Variants in AK8 observed in about 807,000 individuals in gnomAD.
AK8 encodes the protein adenylate kinase 8.
AK8 carries 44 observed loss-of-function variants against 54.6 expected under a neutral mutation model. The observed-to-expected ratio is 0.81, with a 90% confidence interval of 0.63 to 1.04. AK8 has a LOEUF of 1.04. Ranked by LOEUF, AK8 falls within the 50% of genes least tolerant of loss-of-function variation. The pLI is 0.00. For missense variants in AK8, 555 were observed against 613.6 expected (o/e 0.90, Z 1.01); for synonymous variants, 239 against 245.6 (o/e 0.97, Z 0.25).
In AK8 at chr9:132,845,717, G is replaced by A. The variant is rs1032650443; in HGVS notation, c.402+9140C>T. ...AATCGCCTGAACCTAGGAGGCGGAG[G>A]TTGCAGTGAGCAGAGATCGCGCCAC... On this transcript the variant is annotated intron_variant, in intron 5 of 12. Transcript: ENST00000298545. Among the ~76,000 whole-genome samples, 10 of 149,630 alleles carry A rather than the reference G, an allele frequency of 6.7e-5. No homozygotes were observed. In the Admixed American group the frequency reaches 6.8e-4, roughly 10 times the overall value.
At chr9:132,857,692 GA>G (rs1276548273) in intron 4 of AK8, among the ~76,000 whole-genome samples, 1 of 152,222 alleles carries the variant, frequency 6.6e-6, no homozygotes, top group Non-Finnish European at 1.5e-5. Flanking sequence ...AGGATGCAGA[GA>G]AGGGTGCCAA....
chr9:132,861,750 A>G (rs1843396996), intron 4 of AK8, among the ~76,000 whole-genome samples: 2 of 152,244 alleles, frequency 1.3e-5, no homozygotes, highest in Admixed American at 1.3e-4. Context: ...CAGACAATTT[A>G]AAGAGGACAT....
intron 11 of AK8, among the ~76,000 whole-genome samples, chr9:132,787,985 A>T (rs767120451): frequency 2.0e-5 from 3 of 152,088 alleles, no homozygotes; most frequent in Non-Finnish European, 2.9e-5. Context: ...CTATGCAGTA[A>T]GCCTAGAAAA....
chr9:132,804,694 C>G (rs367716079), intron 10 of AK8, among the ~76,000 whole-genome samples: 1 of 152,194 alleles, frequency 6.6e-6, no homozygotes, highest in Non-Finnish European at 1.5e-5. Context: ...AGAGCAGCAG[C>G]GACAGGTGTG....
At chr9:132,878,501 C>T (rs1382420714), upstream of AK8, 2 of 1,202,434 alleles carry the variant, frequency 1.7e-6, no homozygotes, top group Non-Finnish European at 2.1e-6. The surrounding 1 kb of genome is among the most constrained non-coding windows in gnomAD (Gnocchi z 4.7). Flanking sequence ...GGGACACCCT[C>T]AGGTGGCTTC....
chr9:132,785,557 A>G (rs986860678), intron 11 of AK8, among the ~76,000 whole-genome samples: 39 of 152,242 alleles, frequency 2.6e-4, no homozygotes, highest in Admixed American at 2.5e-3. Flanking sequence ...AGAAGCTAAC[A>G]ATAACAAGAA....
chr9:132,739,133 G>C (rs970878936), intron 11 of AK8, among the ~76,000 whole-genome samples: 1 of 150,998 alleles, frequency 6.6e-6, no homozygotes, highest in Admixed American at 6.6e-5. Context: ...GTATAGAAAA[G>C]AAAAAGACTG....
chr9:132,875,282 C>A (rs534155738), intron 1 of AK8, 83 bp from the exon 2 acceptor site: 1 of 1,556,226 alleles, frequency 6.4e-7, no homozygotes, highest in East Asian at 2.4e-5. Context: ...GGGGCCTGCT[C>A]TCTCCACTGC....
chr9:132,789,211 C>T (rs1027936868), intron 11 of AK8, among the ~76,000 whole-genome samples: 12 of 152,012 alleles, frequency 7.9e-5, no homozygotes, highest in Admixed American at 3.3e-4. Context: ...AGGAGAATGG[C>T]GTGAACCCGG....
Position 132,790,251 on chromosome 9 carries a change from A to G in AK8, c.1121+2383T>C, listed in dbSNP as rs1588133355. ...TAGAGATTTTAAATCACGGAGCTAT[A>G]CTTCTTTTTTTTTTTTTGAGACGGA... On this transcript the variant is annotated intron_variant, in intron 11 of 12. Coordinates refer to ENST00000298545, the MANE Select transcript of AK8 (RefSeq NM_152572.3). This position sits in a 1 kb window ranked among gnomAD's most constrained non-coding sequence, Gnocchi z 4.1. Among the ~76,000 whole-genome samples the G allele has an allele frequency of 6.6e-6, 1 of 151,534 alleles. No individual in the cohort carries two copies. The highest frequency in any genetic ancestry group is 2.4e-5 in the African/African-American group (1 of 41,164).
At chr9:132,852,484 C>G (rs547352293) in intron 5 of AK8, among the ~76,000 whole-genome samples, 7 of 151,994 alleles carry the variant, frequency 4.6e-5, no homozygotes, top group African/African-American at 1.7e-4. Context: ...GTGGCACGTG[C>G]CTGTAATCCC....
intron 10 of AK8, among the ~76,000 whole-genome samples, 183 bp downstream of exon 10, chr9:132,814,455 G>A (rs1841222793): frequency 6.6e-6 from 1 of 151,996 alleles, no homozygotes; most frequent in South Asian, 2.1e-4. Flanking sequence ...TGGGGATCGG[G>A]CTCAGACACC....
intron 11 of AK8, among the ~76,000 whole-genome samples, chr9:132,747,598 A>AT (rs1164841004): frequency 2.7e-5 from 4 of 147,424 alleles, no homozygotes; most frequent in Non-Finnish European, 4.5e-5. Context: ...TGCCTGGCTA[A>AT]TTTTTTGTAT....
At position 132,739,441 on chromosome 9, in the gene AK8, CAAAAAAAAAAAAAAAAAA is replaced by C. The variant is rs768297504; in HGVS notation, c.1122-11925_1122-11908del. 5.5e-3 allele frequency among the ~76,000 whole-genome samples: 172 copies of C among 31,134 alleles called. 2 individuals are homozygous for C. Among genetic ancestry groups the C allele is most frequent in the African/African-American group, 0.021 (144 of 6,880 alleles). 20.4% of individuals were successfully genotyped at this position (31,134 alleles called of 152,430 possible). ...TGGGCAACAGAGAGTGACTCTGTCT[CAAAAAAAAAAAAAAAAAA>C]AAAAAAAAAAAAAAAAAAAAAAGAT... On this transcript the variant is annotated intron_variant, in intron 11 of 12. Coordinates refer to ENST00000298545, the MANE Select transcript of AK8 (RefSeq NM_152572.3).
At chr9:132,848,643 G>A (rs899045669) in intron 5 of AK8, among the ~76,000 whole-genome samples, 3 of 152,112 alleles carry the variant, frequency 2.0e-5, no homozygotes, top group African/African-American at 7.2e-5. Flanking sequence ...CCTTGCCTTG[G>A]TCATGTTTGA....
chr9:132,728,465 T>C (rs1836677076), intron 11 of AK8, among the ~76,000 whole-genome samples: 1 of 152,220 alleles, frequency 6.6e-6, no homozygotes, highest in African/African-American at 2.4e-5. Flanking sequence ...TCAGACTCAG[T>C]TACCCCAACT....
intron 5 of AK8, among the ~76,000 whole-genome samples, 195 bp from the exon 6 acceptor site, chr9:132,828,921 G>C (rs980840431): frequency 6.6e-6 from 1 of 151,092 alleles, no homozygotes; most frequent in African/African-American, 2.4e-5. Flanking sequence ...ATCATATCTT[G>C]GTGATTATAA....
chr9:132,823,071 A>G (rs1364895010), intron 9 of AK8, 134 bp downstream of exon 9: 2 of 1,276,192 alleles, frequency 1.6e-6, no homozygotes, highest in Non-Finnish European at 2.1e-6. Flanking sequence ...GGTTAAGAAC[A>G]AAGAGCCAGA....
intron 2 of AK8, among the ~76,000 whole-genome samples, chr9:132,873,120 G>A (rs767530335): frequency 3.3e-5 from 5 of 152,140 alleles, no homozygotes; most frequent in East Asian, 3.8e-4. Flanking sequence ...GCCAATTTTC[G>A]TATTTTTAGT....
Sources: allele counts gnomAD v4.1 joint callset (sites outside exome capture counted in the v4.1 genomes callset), GRCh38; gene constraint gnomAD v4.1.1; non-coding constraint Gnocchi (gnomAD v3.1); transcripts MANE v1.5; gene names NCBI Gene and HGNC (gene_info 2026-07-23, HGNC 2026-07-21).